PEX5L: variants seen among roughly 807,000 people sequenced by gnomAD.
The protein encoded by PEX5L is peroxisomal biogenesis factor 5 like.
Under a neutral mutation model 84.0 loss-of-function variants are expected in PEX5L, and 30 were observed. The observed-to-expected ratio is 0.36, with a 90% CI of 0.27 to 0.48. PEX5L has a LOEUF of 0.48. PEX5L is among the 20% of genes least tolerant of loss of function. The probability of loss-of-function intolerance (pLI) is 0.99; values close to 1 mark genes in which losing one functional copy is unlikely to be tolerated. For missense variants in PEX5L, 533 were observed against 754.6 expected (o/e 0.71, Z 3.44); for synonymous variants, 270 against 283.1 (o/e 0.95, Z 0.46).
chr3:179,882,517 G>T (rs1409096347), intron 4 of PEX5L, among the ~76,000 whole-genome samples: 1 of 152,198 alleles, frequency 6.6e-6, no homozygotes, highest in African/African-American at 2.4e-5. Flanking sequence ...CTTGGAGGTC[G>T]AATGGCCAGC....
chr3:180,023,435 C>T (rs577618297), intron 1 of PEX5L, among the ~76,000 whole-genome samples: 38 of 152,306 alleles, frequency 2.5e-4, no homozygotes, highest in African/African-American at 9.1e-4. Context: ...ACAGCACGTC[C>T]TCTGAAGAAT....
chr3:179,941,690 C>T (rs1776130562), intron 2 of PEX5L, among the ~76,000 whole-genome samples: 1 of 152,158 alleles, frequency 6.6e-6, no homozygotes, highest in Non-Finnish European at 1.5e-5. Flanking sequence ...CAACACAGCT[C>T]ATACTAGTTA....
chr3:179,981,391 G>A (rs1786317012), intron 1 of PEX5L, among the ~76,000 whole-genome samples: 1 of 152,200 alleles, frequency 6.6e-6, no homozygotes, highest in Non-Finnish European at 1.5e-5. Flanking sequence ...TGGAGTCAAA[G>A]AGAGAAGTTG....
intron 1 of PEX5L, among the ~76,000 whole-genome samples, chr3:179,979,358 A>C (rs991592317): frequency 6.6e-6 from 1 of 152,204 alleles, no homozygotes; most frequent in Non-Finnish European, 1.5e-5. Flanking sequence ...TAGAAGTTAT[A>C]AATGTAATCA....
chr3:179,858,452 C>T (rs966498611), intron 8 of PEX5L, among the ~76,000 whole-genome samples: 3 of 151,652 alleles, frequency 2.0e-5, no homozygotes, highest in Non-Finnish European at 4.4e-5. Context: ...CTTCCCTTTT[C>T]TCTCTCTCTC....
chr3:179,885,187 A>C (rs77058456), intron 4 of PEX5L, among the ~76,000 whole-genome samples: 3,910 of 152,216 alleles, frequency 0.026, 175 homozygotes, highest in African/African-American at 0.09. Flanking sequence ...CAGACCCCCT[A>C]CGTTGGAGAG....
At chr3:179,954,483 T>C (rs6769137) in intron 2 of PEX5L, among the ~76,000 whole-genome samples, 108,867 of 152,066 alleles carry the variant, frequency 0.72, 39,572 homozygotes, top group East Asian at 0.89. Context: ...AACTGGCAAG[T>C]GGCAGCAGGT....
chr3:179,837,364 A>C (rs1359534449), intron 8 of PEX5L, among the ~76,000 whole-genome samples: 1 of 152,188 alleles, frequency 6.6e-6, no homozygotes, highest in Non-Finnish European at 1.5e-5. Flanking sequence ...TTCCCAAGAC[A>C]TTGGAACAAG....
Position 179,913,724 on chromosome 3 carries a change from C to A in PEX5L, c.94-15478G>T, listed in dbSNP as rs968774531. On this transcript the variant is annotated intron_variant, in intron 2 of 14. Transcript: ENST00000467460. ...AGCGTTTTTTGCTACAAGAATAAAA[C>A]AAAAACTATGTCACAGTAAGCAAAG... 2.0e-5 allele frequency among the ~76,000 whole-genome samples: 3 copies of A among 152,154 alleles called. No individual in the cohort carries two copies. In the East Asian group the frequency reaches 5.8e-4, roughly 29 times the overall value.
intron 2 of PEX5L, among the ~76,000 whole-genome samples, chr3:179,948,978 T>C (rs1413246640): frequency 6.6e-6 from 1 of 152,236 alleles, no homozygotes; most frequent in Non-Finnish European, 1.5e-5. Flanking sequence ...TATGACATTA[T>C]ACCAACAGTG....
At chr3:179,845,277 C>A (rs1560345415) in intron 8 of PEX5L, among the ~76,000 whole-genome samples, 1 of 152,144 alleles carries the variant, frequency 6.6e-6, no homozygotes, top group African/African-American at 2.4e-5. Flanking sequence ...GATAGGATAT[C>A]CCTATAAGTG....
At chr3:179,831,046 G>A (rs1275396040) in intron 8 of PEX5L, among the ~76,000 whole-genome samples, 3 of 152,230 alleles carry the variant, frequency 2.0e-5, no homozygotes, top group South Asian at 2.1e-4. Flanking sequence ...GGCTGGGCAC[G>A]GTGGCTCACG....
rs28682295 is a variant in PEX5L, at chr3:179,819,925, G to T, written c.874C>A (p.Arg292=). The stretch of plus-strand genomic sequence containing the variant: ...TGGTTCTCAGATATCCAGTTCCTCC[G>T]AGCCATTTCTTCCCATTCTGCTTGC... ...KMQAEWEEMA[R]RNWISENQEA... The change falls in exon 9 of 15, where the codon CGG becomes AGG. Residue 292 remains arginine (R), a synonymous_variant. Transcript: ENST00000467460. The T allele has an allele frequency of 2.6e-3, 4,144 of 1,613,728 alleles. 24 individuals are homozygous for T. Among genetic ancestry groups the T allele is most frequent in the African/African-American group, 0.014 (1,053 of 74,932 alleles).
chr3:179,874,750 T>TG (rs1751736530), intron 6 of PEX5L, among the ~76,000 whole-genome samples: 2 of 133,476 alleles, frequency 1.5e-5, no homozygotes, highest in African/African-American at 2.8e-5. Flanking sequence ...TTTTTTTTTT[T>TG]TTTTTTTTTT....
At chr3:179,811,931 G>T in intron 10 of PEX5L, 60 bp from the exon 11 acceptor site, 1 of 1,347,352 alleles carries the variant, frequency 7.4e-7, no homozygotes, top group Non-Finnish European at 1.1e-6. Context: ...ATGTGCTTCA[G>T]TTGGTTTGTT....
At chr3:179,914,327 C>CCATT (rs1394429857) in intron 2 of PEX5L, among the ~76,000 whole-genome samples, 1 of 152,210 alleles carries the variant, frequency 6.6e-6, no homozygotes, top group African/African-American at 2.4e-5. Context: ...ACACTACTCA[C>CCATT]CATTACACAT....
At chr3:180,004,491 T>A (rs903385281) in intron 1 of PEX5L, among the ~76,000 whole-genome samples, 3 of 152,202 alleles carry the variant, frequency 2.0e-5, no homozygotes, top group Non-Finnish European at 2.9e-5. Flanking sequence ...CTGGGCATAC[T>A]AATATGAATG....
At chr3:179,989,003 T>C (rs1485536923) in intron 1 of PEX5L, among the ~76,000 whole-genome samples, 2 of 152,200 alleles carry the variant, frequency 1.3e-5, no homozygotes, top group African/African-American at 4.8e-5. Context: ...TCACAAAGAA[T>C]GGGGGATGGA....
At chr3:179,879,376 C>T (rs952356036) in intron 5 of PEX5L, among the ~76,000 whole-genome samples, 1 of 152,126 alleles carries the variant, frequency 6.6e-6, no homozygotes, top group African/African-American at 2.4e-5. Context: ...GGGCAAATTG[C>T]TTAAATTTTG....
Sources: allele counts gnomAD v4.1 joint callset (sites outside exome capture counted in the v4.1 genomes callset), GRCh38; gene constraint gnomAD v4.1.1; transcripts MANE v1.5; gene names NCBI Gene and HGNC (gene_info 2026-07-23, HGNC 2026-07-21).